Variants in ELMO1 observed in about 807,000 individuals in gnomAD.
ELMO1 encodes engulfment and cell motility 1, also known as engulfment and cell motility protein 1.
A neutral mutation model predicts 98.9 loss-of-function variants in ELMO1; 26 were observed. That is an observed-to-expected ratio of 0.26 (90% confidence interval 0.19 to 0.36). ELMO1 has a LOEUF of 0.36. Ranked by LOEUF, ELMO1 falls within the 10% of genes least tolerant of loss-of-function variation. The pLI is 1.00. For synonymous variants in ELMO1, 346 were observed against 346.0 expected, an observed-to-expected ratio of 1.00 and a Z score of 0.00; for missense variants, 627 against 935.2, an observed-to-expected ratio of 0.67 and a Z score of 4.30.
At chr7:37,020,413 C>T (rs1419574614) in intron 15 of ELMO1, among the ~76,000 whole-genome samples, 1 of 152,142 alleles carries the variant, frequency 6.6e-6, no homozygotes, top group African/African-American at 2.4e-5. Flanking sequence ...ATAGGTTTAG[C>T]AAATGTTTGA....
intron 1 of ELMO1, among the ~76,000 whole-genome samples, chr7:37,443,228 C>T (rs1805480050): frequency 6.6e-6 from 1 of 152,208 alleles, no homozygotes; most frequent in Admixed American, 6.5e-5. Context: ...AGTCCTTAGT[C>T]CAGCAAGTTG....
chr7:37,258,932 A>G (rs1795837089), intron 6 of ELMO1, among the ~76,000 whole-genome samples: 1 of 151,848 alleles, frequency 6.6e-6, no homozygotes, highest in Non-Finnish European at 1.5e-5. Flanking sequence ...TTCCCACATA[A>G]ACCTGAAATT....
intron 14 of ELMO1, among the ~76,000 whole-genome samples, chr7:37,113,198 G>C (rs1018549087): frequency 3.9e-5 from 6 of 152,190 alleles, no homozygotes; most frequent in African/African-American, 1.4e-4. Flanking sequence ...CCAAAAGGTG[G>C]AACACCAGAA....
At chr7:37,193,996 C>A (rs576990331) in intron 13 of ELMO1, among the ~76,000 whole-genome samples, 3 of 152,278 alleles carry the variant, frequency 2.0e-5, no homozygotes, top group African/African-American at 4.8e-5. Flanking sequence ...ATCCAGAATG[C>A]TCTGGAAAGC....
chr7:36,940,664 G>A (rs1188283261), intron 16 of ELMO1, among the ~76,000 whole-genome samples: 1 of 152,200 alleles, frequency 6.6e-6, no homozygotes, highest in Non-Finnish European at 1.5e-5. Flanking sequence ...AGATGTTCAT[G>A]AAATATTAGT....
intron 16 of ELMO1, among the ~76,000 whole-genome samples, chr7:36,934,188 C>A (rs1481255300): frequency 6.6e-6 from 1 of 152,150 alleles, no homozygotes; most frequent in African/African-American, 2.4e-5. Context: ...CTGTGGCGAA[C>A]TAGGGCAACG....
chr7:37,251,058 C>A (rs1795320820), intron 6 of ELMO1, among the ~76,000 whole-genome samples: 1 of 152,110 alleles, frequency 6.6e-6, no homozygotes, highest in Non-Finnish European at 1.5e-5. Flanking sequence ...TTCTCATTGT[C>A]TGTGTGCTTA....
At chr7:36,987,308 C>T (rs941226449) in intron 16 of ELMO1, among the ~76,000 whole-genome samples, 1 of 152,082 alleles carries the variant, frequency 6.6e-6, no homozygotes, top group Non-Finnish European at 1.5e-5. Flanking sequence ...CAGCAGGGGT[C>T]GCCACTGAGC....
At chr7:37,222,566 A>G (rs970274117) in intron 10 of ELMO1, 49 bp downstream of exon 10, 3 of 1,581,008 alleles carry the variant, frequency 1.9e-6, no homozygotes, top group Non-Finnish European at 2.6e-6. Flanking sequence ...CTCTGCACAC[A>G]AAGTTCCTAG....
chr7:37,041,729 T>G (rs1480008099), intron 15 of ELMO1, among the ~76,000 whole-genome samples: 1 of 152,064 alleles, frequency 6.6e-6, no homozygotes, highest in Admixed American at 6.5e-5. Flanking sequence ...TGCTCGGTGG[T>G]GACCTTGCCA....
chr7:37,336,705 T>C (rs1391349558), intron 2 of ELMO1, among the ~76,000 whole-genome samples: 1 of 152,114 alleles, frequency 6.6e-6, no homozygotes, highest in Non-Finnish European at 1.5e-5. Flanking sequence ...TTGCCGAGCG[T>C]AACCGAGAGG....
chr7:36,923,523 T>G (rs1211789068), intron 16 of ELMO1, among the ~76,000 whole-genome samples: 1 of 152,160 alleles, frequency 6.6e-6, no homozygotes. Context: ...TATCTAGGCC[T>G]TCCCCAGAGG....
chr7:37,170,060 C>T (rs2129782020), intron 13 of ELMO1, among the ~76,000 whole-genome samples: 1 of 152,262 alleles, frequency 6.6e-6, no homozygotes, highest in Admixed American at 6.5e-5. Flanking sequence ...CGCCACCATG[C>T]CCAGCTAATT....
intron 4 of ELMO1, among the ~76,000 whole-genome samples, chr7:37,289,189 G>A (rs1797549693): frequency 6.6e-6 from 1 of 152,102 alleles, no homozygotes; most frequent in Non-Finnish European, 1.5e-5. Flanking sequence ...AACAGAGTCT[G>A]GAACAATAGT....
At chr7:37,183,541 T>C (rs1791012411) in intron 13 of ELMO1, among the ~76,000 whole-genome samples, 2 of 116,322 alleles carry the variant, frequency 1.7e-5, no homozygotes, top group African/African-American at 6.8e-5. Context: ...GCTGACCTCC[T>C]GTTACTCAGG....
intron 13 of ELMO1, among the ~76,000 whole-genome samples, chr7:37,164,391 T>C (rs1368307904): frequency 6.6e-6 from 1 of 152,118 alleles, no homozygotes; most frequent in East Asian, 1.9e-4. Flanking sequence ...CTTTTGGTGT[T>C]TTAGACATGA....
At chr7:37,286,674 G>C (rs897087554) in intron 4 of ELMO1, among the ~76,000 whole-genome samples, 15 of 152,084 alleles carry the variant, frequency 9.9e-5, no homozygotes, top group African/African-American at 3.1e-4. Context: ...GGGAGAGAAG[G>C]GAGAGAATCT....
chr7:37,298,026 T>C (rs925896376), intron 4 of ELMO1, among the ~76,000 whole-genome samples: 3 of 152,194 alleles, frequency 2.0e-5, no homozygotes, highest in Admixed American at 6.5e-5. Context: ...TTTTCTAATA[T>C]GTCTCAATAT....
chr7:37,083,835 A>G (rs1783613372), intron 15 of ELMO1, among the ~76,000 whole-genome samples: 1 of 152,138 alleles, frequency 6.6e-6, no homozygotes, highest in Admixed American at 6.5e-5. Context: ...GGTGGATAGG[A>G]GCACCTGCTG....
Sources: allele counts gnomAD v4.1 joint callset (sites outside exome capture counted in the v4.1 genomes callset), GRCh38; gene constraint gnomAD v4.1.1; transcripts MANE v1.5; gene names NCBI Gene and HGNC (gene_info 2026-07-23, HGNC 2026-07-21).